TIGIT: variants seen among roughly 807,000 people sequenced by gnomAD.
The protein encoded by TIGIT is T cell immunoreceptor with Ig and ITIM domains, also known as T-cell immunoreceptor with Ig and ITIM domains.
TIGIT carries 11 observed loss-of-function variants against 19.6 expected under a neutral mutation model. The ratio of observed to expected loss-of-function variants is 0.56; its 90% confidence interval spans 0.35 to 0.93. The LOEUF (loss-of-function observed/expected upper bound fraction) is 0.93, where lower values mean the gene tolerates loss of function less well. Ranked by LOEUF, TIGIT falls within the 40% of genes least tolerant of loss-of-function variation. The pLI is 0.01. For synonymous variants in TIGIT, 130 were observed against 125.5 expected, an observed-to-expected ratio of 1.04 and a Z score of -0.24; for missense variants, 295 against 303.9, an observed-to-expected ratio of 0.97 and a Z score of 0.22.
chr3:114,301,889 C>T (rs2078494845), intron 3 of TIGIT, among the ~76,000 whole-genome samples: 1 of 152,130 alleles, frequency 6.6e-6, no homozygotes, highest in African/African-American at 2.4e-5. Flanking sequence ...ATTCAGGGTT[C>T]CAGCAGGGAA....
rs1399793407 is a variant in TIGIT at position 114,295,613 on chromosome 3, C to CA, written c.132dup (p.Cys45MetfsTer26). 5.6e-6 allele frequency: 9 copies of CA among 1,614,088 alleles called. No individual in the cohort carries two copies. The highest frequency in any genetic ancestry group is 7.6e-6 in the Non-Finnish European group (9 of 1,180,042). On this transcript the variant is annotated frameshift_variant, in exon 2 of 4. Transcript: ENST00000383671. LOFTEE classifies it high-confidence loss of function. ...AGAGAAAGGTGGCTCTATCATCTTA[C>CA]AATGTCACCTCTCCTCCACCACGGC...
At chr3:114,303,518 CACATATATAT>C (rs2078506581) in intron 3 of TIGIT, among the ~76,000 whole-genome samples, 1 of 4,934 alleles carries the variant, frequency 2.0e-4, no homozygotes, top group African/African-American at 3.9e-4. Context: ...TATATATATA[CACATATATAT>C]GTATATATAT....
rs912343474 is a variant in TIGIT at position 114,308,842 on chromosome 3, G to C, written c.*711G>C. 1 of 152,322 alleles carries C rather than the reference G, an allele frequency of 6.6e-6. No homozygotes were observed. The highest frequency in any genetic ancestry group is 2.4e-5 in the African/African-American group (1 of 41,450). 9.4% of individuals were successfully genotyped at this position (152,322 alleles called of 1,614,324 possible). On this transcript the variant is annotated 3_prime_UTR_variant, in exon 4 of 4. Transcript: ENST00000383671. Reference sequence around the variant, plus strand: ...CTGGGAGGAGCAGGAGTTTTGTCTAGGGAACTTGTAGGAAATTCTTGGAGC... The same window carrying C: ...CTGGGAGGAGCAGGAGTTTTGTCTACGGAACTTGTAGGAAATTCTTGGAGC...
chr3:114,302,623 C>T (rs1334556808), intron 3 of TIGIT, among the ~76,000 whole-genome samples: 1 of 152,178 alleles, frequency 6.6e-6, no homozygotes, highest in African/African-American at 2.4e-5. Context: ...TTGGGATCTC[C>T]TCATCCTCAT....
In TIGIT at chr3:114,308,062, G is replaced by A. The variant is rs561567015; in HGVS notation, c.666G>A (p.Leu222=). ...AGCGGGGAGAGGACTGTGCCGAGCT[G>A]CATGACTACTTCAATGTCCTGAGTT... ...GEQRGEDCAE[L]HDYFNVLSYR... is the part of the protein sequence containing the mutation. The change falls in exon 4 of 4, where the codon CTG becomes CTA. Residue 222 remains leucine (L), a synonymous_variant. Coordinates refer to ENST00000383671, the MANE Select transcript of TIGIT (RefSeq NM_173799.4). 1.9e-6 allele frequency: 3 copies of A among 1,614,078 alleles called. No homozygotes were observed. The highest frequency in any genetic ancestry group is 2.7e-5 in the African/African-American group (2 of 74,928).
chr3:114,299,504 C>T, intron 2 of TIGIT, 93 bp from the exon 3 acceptor site: 1 of 939,066 alleles, frequency 1.1e-6, no homozygotes. Flanking sequence ...CTTGGCCAAT[C>T]CTCCCCTCTC....
At chr3:114,302,803 T>C (rs2078500770) in intron 3 of TIGIT, among the ~76,000 whole-genome samples, 1 of 152,224 alleles carries the variant, frequency 6.6e-6, no homozygotes, top group Admixed American at 6.5e-5. Context: ...TTATTGTTGC[T>C]ATTATCTTAA....
At chr3:114,294,228 G>A (rs1248170878) in intron 1 of TIGIT, 106 bp downstream of exon 1, 2 of 847,854 alleles carry the variant, frequency 2.4e-6, no homozygotes, top group African/African-American at 3.5e-5. Context: ...TGCCACAGCT[G>A]CTTGAGAGAA....
chr3:114,299,640 C>A lies in TIGIT; in HGVS notation c.435C>A (p.Ala145=), dbSNP rs1427468992. 1 of 1,613,474 alleles carries A rather than the reference C, an allele frequency of 6.2e-7. No homozygotes were observed. The highest frequency in any genetic ancestry group is 1.1e-5 in the South Asian group (1 of 91,040). ...GARFQIPLLG[A]MAATLVVICT... is the part of the protein sequence containing the mutation. ...GGTTCCAGATTCCATTGCTTGGAGC[C>A]ATGGCCGCGACGCTGGTGGTCATCT... The change falls in exon 3 of 4, where the codon GCC becomes GCA. Residue 145 remains alanine, a synonymous_variant. Coordinates refer to ENST00000383671, the MANE Select transcript of TIGIT (RefSeq NM_173799.4).
intron 1 of TIGIT, 49 bp downstream of exon 1, chr3:114,294,171 G>A (rs1437883837): frequency 6.8e-7 from 1 of 1,473,654 alleles, no homozygotes; most frequent in Admixed American, 2.2e-5. Context: ...ACAAGGCTAA[G>A]CTTGGTTGGA....
At chr3:114,303,641 A>AGG (rs1560033746) in intron 3 of TIGIT, among the ~76,000 whole-genome samples, 1 of 134,244 alleles carries the variant, frequency 7.4e-6, no homozygotes, top group African/African-American at 2.8e-5. Context: ...ACACACACAC[A>AGG]CACACACACA....
At chr3:114,296,101 A>C (rs1040609442) in intron 2 of TIGIT, 1 of 489,968 alleles carries the variant, frequency 2.0e-6, no homozygotes, top group African/African-American at 1.9e-5. Flanking sequence ...AGGTGATTCT[A>C]ATGGGCAGCC....
rs981205908 is a variant in TIGIT at position 114,298,863 on chromosome 3, C to T, written c.392-734C>T. ...GGGCAGACTGGAAACCTACCTACAG[C>T]GCAGCATGCATGGGGGTGATGGTGT... On this transcript the variant is annotated intron_variant, in intron 2 of 3. Transcript: ENST00000383671. 3.3e-5 allele frequency among the ~76,000 whole-genome samples: 5 copies of T among 152,294 alleles called. No individual in the cohort carries two copies. In the East Asian group the frequency reaches 7.7e-4, roughly 24 times the overall value.
chr3:114,297,138 T>G (rs1283337608), intron 2 of TIGIT, among the ~76,000 whole-genome samples: 1 of 152,100 alleles, frequency 6.6e-6, no homozygotes, highest in African/African-American at 2.4e-5. Flanking sequence ...TCCAGTGATC[T>G]GCCCGCCTCA....
intron 2 of TIGIT, among the ~76,000 whole-genome samples, chr3:114,297,048 C>G (rs1190546430): frequency 6.6e-6 from 1 of 152,042 alleles, no homozygotes. Flanking sequence ...AGGCACCCAC[C>G]ACCATGCCCG....
At position 114,307,954 on chromosome 3, in the gene TIGIT, G is replaced by A. The variant is rs1461770073; in HGVS notation, c.558G>A (p.Gln186=). ...ACCTCAGGAGAAAATCAGCTGGACA[G>A]GAGGAATGGAGCCCCAGTGCTCCCT... The part of the protein sequence containing the change: ...EGDLRRKSAG[Q]EEWSPSAPSP... Residue 186 remains glutamine (Q), a synonymous_variant, in exon 4 of 4, where the codon CAG becomes CAA. Transcript: ENST00000383671. 1 of 1,614,180 alleles carries A rather than the reference G, an allele frequency of 6.2e-7. No individual in the cohort carries two copies. The highest frequency in any genetic ancestry group is 8.5e-7 in the Non-Finnish European group (1 of 1,180,038).
At position 114,309,730 on chromosome 3, in the gene TIGIT, A is replaced by T. The variant is rs1371605245; in HGVS notation, c.*1599A>T. On this transcript the variant is annotated 3_prime_UTR_variant, in exon 4 of 4. Transcript: ENST00000383671. ...CATTTTTCTTGCAAAATTAGTGCAAATCTGTTGGAAATAGAACACAATTCA... is the reference window on the plus strand; with the variant it reads ...CATTTTTCTTGCAAAATTAGTGCAATTCTGTTGGAAATAGAACACAATTCA... The T allele has an allele frequency of 6.6e-6, 1 of 152,160 alleles. No individual in the cohort carries two copies. The highest frequency in any genetic ancestry group is 1.5e-5 in the Non-Finnish European group (1 of 68,024). The allele number at this position is 152,160 out of a possible 1,614,324, so 9.4% of individuals were successfully genotyped here. A position where few individuals can be genotyped will look rare whatever the true frequency, so the allele number is the denominator to read the frequency against.
chr3:114,308,239 G>T lies in TIGIT; in HGVS notation c.*108G>T. The T allele has an allele frequency of 1.5e-6, 1 of 681,302 alleles. No homozygotes were observed. Among genetic ancestry groups the T allele is most frequent in the Non-Finnish European group, 2.5e-6 (1 of 405,772 alleles). 42.2% of individuals were successfully genotyped at this position (681,302 alleles called of 1,614,324 possible). On this transcript the variant is annotated 3_prime_UTR_variant, in exon 4 of 4. Coordinates refer to ENST00000383671, the MANE Select transcript of TIGIT (RefSeq NM_173799.4). Reference sequence around the variant, plus strand: ...GCTGCGTGTGTGTGTGTGTGTGTATGTGTGTGTGTGTTCAGTTGAGTGAAT... The same window carrying T: ...GCTGCGTGTGTGTGTGTGTGTGTATTTGTGTGTGTGTTCAGTTGAGTGAAT...
chr3:114,303,586 T>C (rs182300652), intron 3 of TIGIT, among the ~76,000 whole-genome samples: 7,147 of 23,942 alleles, frequency 0.3, 627 homozygotes, highest in Middle Eastern at 0.47. Context: ...TATATATATA[T>C]ACATATATAT....
Sources: allele counts gnomAD v4.1 joint callset (sites outside exome capture counted in the v4.1 genomes callset), GRCh38; gene constraint gnomAD v4.1.1; transcripts MANE v1.5; gene names NCBI Gene and HGNC (gene_info 2026-07-23, HGNC 2026-07-21).